Variants in CLDN16 observed in about 807,000 individuals in gnomAD.
The protein encoded by CLDN16 is claudin-16.
A neutral mutation model predicts 24.6 loss-of-function variants in CLDN16; 13 were observed. The ratio of observed to expected loss-of-function variants is 0.53; its 90% CI spans 0.34 to 0.84. CLDN16 has a LOEUF of 0.84. CLDN16 is among the 40% of genes least tolerant of loss of function. The pLI is 0.01. For missense variants in CLDN16, 298 were observed against 292.7 expected (o/e 1.02, Z -0.13); for synonymous variants, 116 against 106.7 (o/e 1.09, Z -0.54).
chr3:190,367,471 G>A (rs956559627), intron 1 of CLDN16, among the ~76,000 whole-genome samples: 2 of 151,880 alleles, frequency 1.3e-5, no homozygotes, highest in Non-Finnish European at 2.9e-5. Flanking sequence ...AATTTCTTCA[G>A]CGGGAAAATT....
chr3:190,409,337 A>G (rs916031341), intron 4 of CLDN16, among the ~76,000 whole-genome samples: 1 of 146,084 alleles, frequency 6.8e-6, no homozygotes, highest in Non-Finnish European at 1.5e-5. Context: ...TATGTATATT[A>G]GAATTATACA....
At chr3:190,327,289 A>G (rs1236625348) in intron 1 of CLDN16, among the ~76,000 whole-genome samples, 1 of 152,176 alleles carries the variant, frequency 6.6e-6, no homozygotes, top group Non-Finnish European at 1.5e-5. Flanking sequence ...ACGGAGGGTA[A>G]TGCACTTTAT....
At chr3:190,375,900 G>T (rs4687140) in intron 3 of CLDN16, among the ~76,000 whole-genome samples, 84,850 of 151,514 alleles carry the variant, frequency 0.56, 24,078 homozygotes, top group African/African-American at 0.64. Flanking sequence ...AACACCCTGA[G>T]TTGTCACCTG....
At chr3:190,351,624 C>G (rs1717673756) in intron 1 of CLDN16, among the ~76,000 whole-genome samples, 1 of 151,966 alleles carries the variant, frequency 6.6e-6, no homozygotes, top group African/African-American at 2.4e-5. Context: ...GTTATTATTA[C>G]TTTTTAAGGT....
At chr3:190,312,757 A>G in the CLDN16 span, 1 of 1,140,690 alleles carries the variant, frequency 8.8e-7, no homozygotes, top group East Asian at 2.3e-5. Context: ...CTTCAGGTCT[A>G]TGTTTGCAGT....
intron 1 of CLDN16, among the ~76,000 whole-genome samples, chr3:190,345,721 G>A (rs533394664): frequency 6.6e-6 from 1 of 152,166 alleles, no homozygotes; most frequent in South Asian, 2.1e-4. Context: ...TTATTCATTC[G>A]TGAAATACAG....
intron 1 of CLDN16, among the ~76,000 whole-genome samples, chr3:190,349,342 A>T (rs11928341): frequency 1.3e-5 from 2 of 152,040 alleles, no homozygotes; most frequent in Admixed American, 1.3e-4. Context: ...ACATGAAGAC[A>T]TGCTTGCTTC....
chr3:190,385,903 T>G (rs920073328), upstream of CLDN16, among the ~76,000 whole-genome samples: 8 of 152,174 alleles, frequency 5.3e-5, no homozygotes, highest in Admixed American at 1.3e-4. Flanking sequence ...AAAATATGAA[T>G]TCCTGGCTTC....
the CLDN16 span, chr3:190,307,641 A>T: frequency 6.6e-6 from 1 of 152,236 alleles, no homozygotes; most frequent in Non-Finnish European, 1.5e-5. Flanking sequence ...AACACAAAAC[A>T]AATAAGGGCT....
rs1469870064 is a variant in CLDN16, at chr3:190,404,842, C to G, written c.298C>G (p.Leu100Val). The G allele has an allele frequency of 4.3e-6, 7 of 1,614,122 alleles. No individual in the cohort carries two copies. The highest frequency in any genetic ancestry group is 3.3e-5 in the Admixed American group (2 of 60,016). The change falls in exon 3 of 5, where the codon CTT (leucine) becomes GTT (valine). Residue 100 changes from leucine to valine, a missense_variant. Transcript: ENST00000264734. ...TGGATTTCTCACCCTGCTCCTTGGT[C>G]TTGACTGCGTGAAATTCCTCCCTGA... ...GFGFLTLLLG[L>V]DCVKFLPDEP... is the part of the protein sequence containing the mutation.
chr3:190,365,950 A>G (rs1198711782), intron 1 of CLDN16, among the ~76,000 whole-genome samples: 1 of 151,848 alleles, frequency 6.6e-6, no homozygotes, highest in African/African-American at 2.4e-5. Flanking sequence ...TTCTTAAGCA[A>G]GGGGGAGCAC....
At chr3:190,376,387 G>GA (rs753513492) in intron 3 of CLDN16, among the ~76,000 whole-genome samples, 26 of 150,302 alleles carry the variant, frequency 1.7e-4, no homozygotes, top group African/African-American at 3.9e-4. Flanking sequence ...TCACAAAATT[G>GA]AAAAAAAAAT....
At chr3:190,313,138 A>C in the CLDN16 span, 1 of 1,366,026 alleles carries the variant, frequency 7.3e-7, no homozygotes, top group African/African-American at 1.4e-5. Context: ...AAGAGAGAAA[A>C]CTGGACTAGG....
chr3:190,318,550 A>G (rs1036721171), upstream of CLDN16, among the ~76,000 whole-genome samples: 4 of 152,190 alleles, frequency 2.6e-5, no homozygotes, highest in African/African-American at 9.6e-5. Context: ...TAAGTGGGGT[A>G]ACTACTTGAA....
intron 1 of CLDN16, among the ~76,000 whole-genome samples, chr3:190,360,667 T>A (rs1717869039): frequency 6.6e-6 from 1 of 151,912 alleles, no homozygotes; most frequent in South Asian, 2.1e-4. Context: ...CCCATTCTAT[T>A]CTTTGTTCTC....
intron 1 of CLDN16, among the ~76,000 whole-genome samples, chr3:190,329,011 T>C (rs1011596533): frequency 6.6e-6 from 1 of 152,168 alleles, no homozygotes; most frequent in African/African-American, 2.4e-5. Context: ...ACAACGTAAA[T>C]AGTTTAACTT....
chr3:190,382,481 C>T (rs1010213997), intron 3 of CLDN16, among the ~76,000 whole-genome samples: 13 of 152,126 alleles, frequency 8.5e-5, no homozygotes, highest in Admixed American at 3.3e-4. Flanking sequence ...GCATTCTCCA[C>T]ATTGGAGATG....
rs1719288620 is a variant in CLDN16, at chr3:190,411,617, T to C, written c.*1581T>C. The C allele has an allele frequency of 6.6e-6, 1 of 152,182 alleles. No homozygotes were observed. The highest frequency in any genetic ancestry group is 2.4e-5 in the African/African-American group (1 of 41,456). 9.4% of individuals were successfully genotyped at this position (152,182 alleles called of 1,614,324 possible). Reference sequence around the variant, plus strand: ...GACCTTGAAATAAGTGTTTCAAATTTAAAGAACAAAGAATGATGTGAAAAT... The same window carrying C: ...GACCTTGAAATAAGTGTTTCAAATTCAAAGAACAAAGAATGATGTGAAAAT... On this transcript the variant is annotated 3_prime_UTR_variant, in exon 5 of 5. Transcript: ENST00000264734.
upstream of CLDN16, among the ~76,000 whole-genome samples, chr3:190,319,248 T>C (rs1014155702): frequency 6.6e-6 from 1 of 152,114 alleles, no homozygotes; most frequent in Non-Finnish European, 1.5e-5. Context: ...TCAAGAAAAG[T>C]CTACTACAAC....
Sources: allele counts gnomAD v4.1 joint callset (sites outside exome capture counted in the v4.1 genomes callset), GRCh38; gene constraint gnomAD v4.1.1; transcripts MANE v1.5; gene names NCBI Gene and HGNC (gene_info 2026-07-23, HGNC 2026-07-21).